ANKRD13C: variants seen among roughly 807,000 people sequenced by gnomAD.
ANKRD13C encodes ankyrin repeat domain 13C.
ANKRD13C carries 16 observed loss-of-function variants against 65.5 expected under a neutral mutation model. The ratio of observed to expected loss-of-function variants is 0.24; its 90% CI spans 0.17 to 0.37. The LOEUF (loss-of-function observed/expected upper bound fraction) is 0.37, where lower values mean the gene tolerates loss of function less well. ANKRD13C is among the 10% of genes least tolerant of loss of function. ANKRD13C has a pLI of 1.00. For synonymous variants in ANKRD13C, 235 were observed against 238.7 expected (o/e 0.98, Z 0.14); for missense variants, 503 against 655.9 (o/e 0.77, Z 2.55).
intron 8 of ANKRD13C, chr1:70,293,410 G>T: frequency 4.7e-6 from 1 of 210,866 alleles, no homozygotes; most frequent in Non-Finnish European, 8.2e-6. Flanking sequence ...GTTCAGAGTT[G>T]TGTTCCAGTC....
rs528906772 is a variant in ANKRD13C at position 70,314,818 on chromosome 1, T to A, written c.663+663A>T. 7.9e-5 allele frequency among the ~76,000 whole-genome samples: 12 copies of A among 150,946 alleles called. No homozygotes were observed. In the East Asian group the frequency reaches 2.3e-3, roughly 29 times the overall value. On this transcript the variant is annotated intron_variant, in intron 4 of 12. Transcript: ENST00000370944. ...TGACAGGTCTATCTTTCTCCCACAG[T>A]TCTTTCAGGCAGCAGAAATACAGAG...
chr1:70,310,805 C>T lies in ANKRD13C; in HGVS notation c.709+2940G>A, dbSNP rs543018546. Among the ~76,000 whole-genome samples the T allele has an allele frequency of 5.3e-5, 8 of 152,258 alleles. No individual in the cohort carries two copies. In the South Asian group the frequency reaches 1.7e-3, roughly 32 times the overall value. ...GGATCACAAAGCAGGACTGGGGTCT[C>T]CCCACATGGGAAAAAAATGGGGTAA... On this transcript the variant is annotated intron_variant, in intron 5 of 12. Transcript: ENST00000370944.
At chr1:70,297,032 A>G (rs1057066792) in intron 7 of ANKRD13C, among the ~76,000 whole-genome samples, 6 of 152,192 alleles carry the variant, frequency 3.9e-5, no homozygotes, top group Admixed American at 2.0e-4. Context: ...GATCAAGTAC[A>G]GAAGAGTAAG....
Position 70,300,857 on chromosome 1 carries a change from A to T in ANKRD13C, c.828T>A (p.Asp276Glu). The T allele has an allele frequency of 6.2e-7, 1 of 1,613,840 alleles. No individual in the cohort carries two copies. The highest frequency in any genetic ancestry group is 8.5e-7 in the Non-Finnish European group (1 of 1,179,910). The change falls in exon 7 of 13, where the codon GAT becomes GAA. Residue 276 changes from aspartate to glutamate, a missense_variant. Asp to Glu is a conservative substitution (Grantham distance 45). This residue lies in a region of ANKRD13C where 300 missense variants were observed against 478.3 expected (regional missense o/e 0.63). Coordinates refer to ENST00000370944, the MANE Select transcript of ANKRD13C (RefSeq NM_030816.5). ...DFTDMKCQRG[D>E]LSFIFNGDAA... ...CATCCCCATTGAAAATGAAGCTTAG[A>T]TCCCCTCGTTGGCACTTCATGTCAG...
chr1:70,341,977 G>C (rs1192444282), intron 1 of ANKRD13C, among the ~76,000 whole-genome samples: 1 of 151,758 alleles, frequency 6.6e-6, no homozygotes, highest in Non-Finnish European at 1.5e-5. Context: ...GAAGTAGACT[G>C]GTTCAAAATA....
intron 6 of ANKRD13C, among the ~76,000 whole-genome samples, chr1:70,304,098 G>A (rs922734311): frequency 2.6e-5 from 4 of 152,138 alleles, no homozygotes; most frequent in African/African-American, 7.2e-5. Flanking sequence ...TTGGAATACA[G>A]TGGCACGATC....
chr1:70,276,810 TGAG>T lies in ANKRD13C; in HGVS notation c.1247_1249del (p.Pro416del), dbSNP rs1267744834. 1.9e-6 allele frequency: 3 copies of T among 1,604,204 alleles called. No individual in the cohort carries two copies. Among genetic ancestry groups the T allele is most frequent in the African/African-American group, 2.7e-5 (2 of 73,890 alleles). ...ATATTCTTCCCATGTAATAGTGTTC[TGAG>T]GAGGAGGTGTAAGAGACTGTCTTCG... On this transcript the variant is annotated inframe_deletion, in exon 10 of 13. Transcript: ENST00000370944.
intron 9 of ANKRD13C, among the ~76,000 whole-genome samples, chr1:70,283,521 G>GAA (rs200281653): frequency 6.6e-6 from 1 of 151,140 alleles, no homozygotes; most frequent in African/African-American, 2.4e-5. Flanking sequence ...TTTAAATAAA[G>GAA]AAAAAAAAAT....
At chr1:70,273,193 G>T (rs186286036) in intron 11 of ANKRD13C, among the ~76,000 whole-genome samples, 1 of 151,960 alleles carries the variant, frequency 6.6e-6, no homozygotes, top group Non-Finnish European at 1.5e-5. Flanking sequence ...GCCTAGATAT[G>T]GGTAAAGCTC....
intron 1 of ANKRD13C, among the ~76,000 whole-genome samples, chr1:70,352,712 T>A (rs1046324363): frequency 6.6e-6 from 1 of 152,226 alleles, no homozygotes; most frequent in African/African-American, 2.4e-5. Flanking sequence ...AGAATTACCA[T>A]CATCAACAAA....
At chr1:70,344,014 G>A (rs1682421829) in intron 1 of ANKRD13C, among the ~76,000 whole-genome samples, 1 of 151,946 alleles carries the variant, frequency 6.6e-6, no homozygotes, top group African/African-American at 2.4e-5. Context: ...AAATTAGCTG[G>A]GGGCTGGGCA....
chr1:70,324,346 A>G (rs951891419), intron 3 of ANKRD13C, among the ~76,000 whole-genome samples: 4 of 152,362 alleles, frequency 2.6e-5, no homozygotes, highest in African/African-American at 9.6e-5. Context: ...AGAGTGGAAT[A>G]ACTCAACATT....
At position 70,338,339 on chromosome 1, in the gene ANKRD13C, G is replaced by A. The variant is rs1682149435; in HGVS notation, c.431-2240C>T. Among the ~76,000 whole-genome samples, 4 of 152,262 alleles carry A rather than the reference G, an allele frequency of 2.6e-5. No homozygotes were observed. In the South Asian group the frequency reaches 8.3e-4, roughly 32 times the overall value. On this transcript the variant is annotated intron_variant, in intron 1 of 12. Coordinates refer to ENST00000370944, the MANE Select transcript of ANKRD13C (RefSeq NM_030816.5). ...CATTAGGAACTCTCAGTAAAGCACA[G>A]TTTTCATCCTACTACTAACTAATAT...
intron 9 of ANKRD13C, among the ~76,000 whole-genome samples, chr1:70,289,226 T>C (rs1486753248): frequency 2.0e-5 from 3 of 152,204 alleles, no homozygotes; most frequent in Non-Finnish European, 4.4e-5. Flanking sequence ...CTATCTGGCA[T>C]TAAACTATGT....
intron 11 of ANKRD13C, among the ~76,000 whole-genome samples, chr1:70,271,598 T>C (rs1558261199): frequency 6.6e-6 from 1 of 152,220 alleles, no homozygotes; most frequent in Non-Finnish European, 1.5e-5. Flanking sequence ...GATCACACTT[T>C]TGTTACTTCA....
intron 9 of ANKRD13C, among the ~76,000 whole-genome samples, chr1:70,287,987 C>T (rs1236712789): frequency 6.6e-6 from 1 of 152,148 alleles, no homozygotes; most frequent in Non-Finnish European, 1.5e-5. Flanking sequence ...CCACTGCACT[C>T]CTGGTCTGAC....
intron 4 of ANKRD13C, among the ~76,000 whole-genome samples, chr1:70,314,140 T>C (rs1230479230): frequency 6.6e-6 from 1 of 152,052 alleles, no homozygotes; most frequent in Non-Finnish European, 1.5e-5. Flanking sequence ...TGGCCCATTG[T>C]AATAGAAAAT....
chr1:70,281,034 G>A (rs746960304), intron 9 of ANKRD13C, among the ~76,000 whole-genome samples: 48 of 152,042 alleles, frequency 3.2e-4, no homozygotes, highest in Non-Finnish European at 5.6e-4. Context: ...TAAATAAGGA[G>A]ATAATGGTGT....
rs186388935 is a variant in ANKRD13C at position 70,285,461 on chromosome 1, C to T, written c.1215+6927G>A. ...CCGGTCGCCTCAGCCTCACAAAGTG[C>T]TGGGATTACAGGCGTAAGCCACTGC... On this transcript the variant is annotated intron_variant, in intron 9 of 12. Transcript: ENST00000370944. Among the ~76,000 whole-genome samples, 144 of 152,058 alleles carry T rather than the reference C, an allele frequency of 9.5e-4. 1 individual carries two copies. Among genetic ancestry groups the T allele is most frequent in the South Asian group, 2.1e-3 (10 of 4,814 alleles).
Sources: gnomAD v4.1 joint callset for allele counts (sites outside exome capture counted in the v4.1 genomes callset) on GRCh38, gnomAD v4.1.1 for gene constraint, gnomAD v4.1.1 regional missense constraint, MANE v1.5 for transcripts, NCBI Gene and HGNC (gene_info 2026-07-23, HGNC 2026-07-21) for gene names.